Variants in DOCK9 observed in about 807,000 individuals in gnomAD.
The protein encoded by DOCK9 is dedicator of cytokinesis protein 9.
Under a neutral mutation model 263.3 loss-of-function variants are expected in DOCK9, and 89 were observed. The ratio of observed to expected loss-of-function variants is 0.34; its 90% CI spans 0.28 to 0.40. The LOEUF (loss-of-function observed/expected upper bound fraction) is 0.40. DOCK9 is among the 10% of genes least tolerant of loss of function. The pLI is 1.00. For missense variants in DOCK9, 2,140 were observed against 2,603.4 expected (o/e 0.82, Z 3.87); for synonymous variants, 976 against 973.1 (o/e 1.00, Z -0.06).
At chr13:98,911,433 C>T (rs2050006524) in intron 9 of DOCK9, among the ~76,000 whole-genome samples, 1 of 152,086 alleles carries the variant, frequency 6.6e-6, no homozygotes, top group Non-Finnish European at 1.5e-5. Context: ...AAAATAGGTA[C>T]ATTATATACC....
chr13:98,990,212 G>A (rs1250209001), intron 1 of DOCK9, among the ~76,000 whole-genome samples: 3 of 152,076 alleles, frequency 2.0e-5, no homozygotes, highest in Non-Finnish European at 4.4e-5. Flanking sequence ...CACCATAAGA[G>A]GAAAAAAATG....
Position 98,794,655 on chromosome 13 carries a change from C to T in DOCK9, c.6250G>A (p.Gly2084Arg), listed in dbSNP as rs751404028. 2.9e-5 allele frequency: 47 copies of T among 1,611,948 alleles called. 1 individual carries two copies. The highest frequency in any genetic ancestry group is 4.0e-5 in the African/African-American group (3 of 74,900). Reference protein sequence around the residue: ...SGTPTSTMVHGMTSSSSVV With the variant: ...SGTPTSTMVHRMTSSSSVV ...ACGACCGAAGACGAGCTGGTCATCC[C>T]GTGAACCATTGTGCTTGTTGGAGTC... Residue 2084 changes from glycine (G) to arginine (R), a missense_variant, in exon 53 of 53, where the codon GGG becomes AGG. Gly to Arg is a moderately radical substitution (Grantham distance 125). Around this residue, in one of 2 missense-constraint regions of DOCK9, gnomAD observed 619 missense variants for 861.8 expected, o/e 0.72. Coordinates refer to ENST00000682017, the MANE Select transcript of DOCK9 (RefSeq NM_001366683.2).
At chr13:99,003,412 G>A (rs939282321) in intron 1 of DOCK9, among the ~76,000 whole-genome samples, 2 of 152,116 alleles carry the variant, frequency 1.3e-5, no homozygotes, top group African/African-American at 4.8e-5. Flanking sequence ...CGCTCACCAG[G>A]AGATCTCATC....
chr13:98,996,930 A>G (rs886472240), intron 1 of DOCK9, among the ~76,000 whole-genome samples: 1 of 152,254 alleles, frequency 6.6e-6, no homozygotes, highest in African/African-American at 2.4e-5. Flanking sequence ...AAATCCAAAG[A>G]AACTCCTTGC....
chr13:99,086,263 CGCA>C, exon 1 of DOCK9: 1 of 1,499,800 alleles, frequency 6.7e-7, no homozygotes, highest in Non-Finnish European at 8.8e-7. Context: ...CACGCTCTGC[CGCA>C]GCTCGGCCGC....
At chr13:98,932,245 A>G (rs1044782352) in intron 2 of DOCK9, among the ~76,000 whole-genome samples, 1 of 152,022 alleles carries the variant, frequency 6.6e-6, no homozygotes, top group Admixed American at 6.5e-5. Flanking sequence ...ATACAAAAAT[A>G]TCAGCTGAGT....
At chr13:98,967,754 CA>C (rs1435866175) in intron 1 of DOCK9, among the ~76,000 whole-genome samples, 1 of 152,160 alleles carries the variant, frequency 6.6e-6, no homozygotes, top group Non-Finnish European at 1.5e-5. Flanking sequence ...AGATAAAAAG[CA>C]GAGTCCCTTC....
At chr13:98,949,558 G>C (rs2057157282) in intron 2 of DOCK9, among the ~76,000 whole-genome samples, 1 of 152,204 alleles carries the variant, frequency 6.6e-6, no homozygotes, top group Admixed American at 6.5e-5. Flanking sequence ...GTGATGAGAG[G>C]TGTCTGCCAT....
intron 1 of DOCK9, among the ~76,000 whole-genome samples, chr13:99,036,895 C>T (rs1477333374): frequency 2.0e-5 from 3 of 152,128 alleles, no homozygotes; most frequent in Admixed American, 6.6e-5. Context: ...ACAACTAAGA[C>T]ATCTGAAAAC....
chr13:98,901,984 G>C, intron 12 of DOCK9, 84 bp from the exon 13 acceptor site: 3 of 1,513,042 alleles, frequency 2.0e-6, no homozygotes, highest in Non-Finnish European at 2.7e-6. Context: ...GCAAAGAACA[G>C]TGAAACAGGA....
exon 1 of DOCK9, chr13:99,086,399 C>G (rs1040296159): frequency 4.8e-6 from 5 of 1,041,870 alleles, no homozygotes; most frequent in South Asian, 8.8e-5. Context: ...GCGGCCCGGC[C>G]CGGCCGCGCG....
intron 1 of DOCK9, among the ~76,000 whole-genome samples, chr13:99,032,208 C>G (rs549941270): frequency 6.6e-6 from 1 of 152,092 alleles, no homozygotes; most frequent in East Asian, 1.9e-4. Context: ...CGGTGGCTCA[C>G]GCCTGTAATC....
At chr13:98,807,359 G>C (rs1335813119) in intron 48 of DOCK9, among the ~76,000 whole-genome samples, 5 of 152,198 alleles carry the variant, frequency 3.3e-5, no homozygotes, top group Admixed American at 6.5e-5. Context: ...GCAGTGAGTA[G>C]CGAAGCCACG....
intron 1 of DOCK9, among the ~76,000 whole-genome samples, chr13:99,085,900 CAGAA>C (rs923094908): frequency 4.6e-5 from 7 of 151,872 alleles, no homozygotes; most frequent in Admixed American, 1.3e-4. Flanking sequence ...TCCCAGTTGA[CAGAA>C]AGCAGGTAAA....
chr13:98,971,657 G>A (rs925805838), intron 1 of DOCK9, among the ~76,000 whole-genome samples: 6 of 152,138 alleles, frequency 3.9e-5, no homozygotes, highest in Non-Finnish European at 8.8e-5. Context: ...GCAGTGAACC[G>A]AGATCGCACC....
At chr13:98,996,477 C>A (rs751323992) in intron 1 of DOCK9, among the ~76,000 whole-genome samples, 2 of 152,212 alleles carry the variant, frequency 1.3e-5, no homozygotes, top group Admixed American at 1.3e-4. Flanking sequence ...CACATTCCAA[C>A]TGGACTGTGC....
chr13:99,077,530 CCT>C (rs2041958573), intron 1 of DOCK9, among the ~76,000 whole-genome samples: 1 of 152,124 alleles, frequency 6.6e-6, no homozygotes, highest in South Asian at 2.1e-4. Flanking sequence ...GCCAATTAAA[CCT>C]CTTTTCTTTA....
intron 45 of DOCK9, among the ~76,000 whole-genome samples, chr13:98,815,083 A>T (rs917055604): frequency 1.4e-4 from 22 of 152,174 alleles, no homozygotes; most frequent in Non-Finnish European, 2.1e-4. Flanking sequence ...TGGACGAGTG[A>T]ATCAATGTGT....
chr13:98,884,560 C>T (rs1283955322), intron 21 of DOCK9, among the ~76,000 whole-genome samples: 2 of 152,208 alleles, frequency 1.3e-5, no homozygotes, highest in Non-Finnish European at 2.9e-5. Context: ...TTTCAAGAAT[C>T]AGAAAGGTTT....
Sources: allele counts gnomAD v4.1 joint callset (sites outside exome capture counted in the v4.1 genomes callset), GRCh38; gene constraint gnomAD v4.1.1; regional missense constraint gnomAD v4.1.1; transcripts MANE v1.5; gene names NCBI Gene and HGNC (gene_info 2026-07-23, HGNC 2026-07-21).